Variants in NCOR2 observed in about 807,000 individuals in gnomAD.
The protein encoded by NCOR2 is nuclear receptor corepressor 2, also known as CTG repeat protein 26.
In NCOR2, 81 loss-of-function variants were observed where a neutral mutation model predicts 262.9. The ratio of observed to expected loss-of-function variants is 0.31; its 90% confidence interval spans 0.26 to 0.37. The LOEUF is 0.37. Among genes scored for constraint, NCOR2 ranks in the 10% least tolerant of loss-of-function variants. NCOR2 has a pLI of 1.00. For synonymous variants in NCOR2, 1,659 were observed against 1,559.3 expected, an observed-to-expected ratio of 1.06 and a Z score of -1.51; for missense variants, 3,385 against 3,621.4, an observed-to-expected ratio of 0.93 and a Z score of 1.68.
At chr12:124,367,250 A>T (rs2039111754) in intron 20 of NCOR2, among the ~76,000 whole-genome samples, 1 of 152,124 alleles carries the variant, frequency 6.6e-6, no homozygotes, top group South Asian at 2.1e-4. Context: ...GCTGCCCAGA[A>T]GCTCTCAGCA....
At chr12:124,537,911 C>T (rs2051164414), upstream of NCOR2, 1 of 152,292 alleles carries the variant, frequency 6.6e-6, no homozygotes, top group Non-Finnish European at 1.5e-5. Flanking sequence ...CTGCCATCTG[C>T]ATCAGCTCCA....
chr12:124,387,399 G>A (rs2040893826), intron 16 of NCOR2, among the ~76,000 whole-genome samples: 1 of 152,230 alleles, frequency 6.6e-6, no homozygotes, highest in Non-Finnish European at 1.5e-5. Flanking sequence ...TCTCATCCTT[G>A]CTGTCATGGC....
rs556619749 is a variant in NCOR2, at chr12:124,481,690, C to T, written c.411+1906G>A. 1.3e-5 allele frequency among the ~76,000 whole-genome samples: 2 copies of T among 152,202 alleles called. No individual in the cohort carries two copies. The highest frequency in any genetic ancestry group is 3.9e-4 in the East Asian group (2 of 5,180). ...CAGGGAGATGAGGTCAGGGAGGTGACGGGGCTGGATCACGCCGGACCTGCA... is the reference window on the plus strand; with the variant it reads ...CAGGGAGATGAGGTCAGGGAGGTGATGGGGCTGGATCACGCCGGACCTGCA... On this transcript the variant is annotated intron_variant, in intron 3 of 46. Transcript: ENST00000405201. This position sits in a 1 kb window ranked among gnomAD's most constrained non-coding sequence, Gnocchi z 4.6.
rs145354640 is a variant in NCOR2, at chr12:124,449,283, C to T, written c.815+532G>A. The stretch of plus-strand genomic sequence containing the variant: ...GGAAAAGGCCCCCATCATTAGAATA[C>T]ATCACATTGGCCACCTCCAAAGCCT... On this transcript the variant is annotated intron_variant, in intron 7 of 46. Transcript: ENST00000405201. Among the ~76,000 whole-genome samples the T allele has an allele frequency of 7.9e-4, 120 of 152,340 alleles. 1 individual carries two copies. The East Asian group carries it at 0.013, about 17-fold the overall frequency.
intron 1 of NCOR2, among the ~76,000 whole-genome samples, chr12:124,552,119 A>C (rs1478188215): frequency 6.6e-6 from 1 of 152,168 alleles, no homozygotes; most frequent in Non-Finnish European, 1.5e-5. Flanking sequence ...CAGGAGTTCA[A>C]GACCAGCCCG....
chr12:124,448,187 T>G lies in NCOR2; in HGVS notation c.815+1628A>C, dbSNP rs1219400545. Among the ~76,000 whole-genome samples the G allele has an allele frequency of 1.3e-5, 2 of 152,128 alleles. 1 individual carries two copies. Among genetic ancestry groups the G allele is most frequent in the East Asian group, 3.9e-4 (2 of 5,194 alleles). ...AATGCCCCAAACAGCCTGGACTCAG[T>G]TGAGAACACCCCACCCTCATCCCCT... On this transcript the variant is annotated intron_variant, in intron 7 of 46. Coordinates refer to ENST00000405201, the Ensembl canonical transcript of NCOR2.
chr12:124,506,014 T>A (rs1593878472), intron 1 of NCOR2, among the ~76,000 whole-genome samples: 2 of 150,190 alleles, frequency 1.3e-5, no homozygotes, highest in Middle Eastern at 3.4e-3. Flanking sequence ...GAGAGGCTCC[T>A]CGGCCACTGG....
intron 5 of NCOR2, 120 bp downstream of exon 7, chr12:124,466,053 G>A (rs2046400651): frequency 1.1e-6 from 1 of 947,974 alleles, no homozygotes; most frequent in African/African-American, 1.7e-5. Flanking sequence ...CTCTGGGGGA[G>A]AGGGTGGCGA....
At chr12:124,401,471 A>G (rs564815434) in intron 14 of NCOR2, among the ~76,000 whole-genome samples, 1 of 152,354 alleles carries the variant, frequency 6.6e-6, no homozygotes, top group East Asian at 1.9e-4. Flanking sequence ...AGCAATTTAT[A>G]GGGCCATTTT....
rs2044969821 is a variant in NCOR2, at chr12:124,443,670, T to C, written c.816-5674A>G. On this transcript the variant is annotated intron_variant, in intron 7 of 46. Coordinates refer to ENST00000405201, the Ensembl canonical transcript of NCOR2. The surrounding 1 kb of genome is among the most constrained non-coding windows in gnomAD (Gnocchi z 4.4). ...GGCACGTGCCACTACGCCCAGCTAA[T>C]TTTCGTATTTTTAGTAGAGACGGGG... Among the ~76,000 whole-genome samples, 1 of 151,864 alleles carries C rather than the reference T, an allele frequency of 6.6e-6. No individual in the cohort carries two copies. The highest frequency in any genetic ancestry group is 2.4e-5 in the African/African-American group (1 of 41,328).
intron 1 of NCOR2, among the ~76,000 whole-genome samples, chr12:124,550,526 G>A (rs1163537117): frequency 6.6e-6 from 1 of 152,138 alleles, no homozygotes; most frequent in Non-Finnish European, 1.5e-5. Flanking sequence ...GGGGAGGACA[G>A]CTCTGTTCCT....
chr12:124,426,916 G>A (rs1049770727), intron 10 of NCOR2, 116 bp from the exon 13 acceptor site: 30 of 932,008 alleles, frequency 3.2e-5, no homozygotes, highest in African/African-American at 9.9e-5. Context: ...CAGGGAAAAC[G>A]CGAAACCAAG....
chr12:124,373,362 A>G, intron 19 of NCOR2, among the ~76,000 whole-genome samples: 1 of 37,340 alleles, frequency 2.7e-5, no homozygotes, highest in Admixed American at 4.0e-4. Flanking sequence ...ACAGTGGACA[A>G]TCATGAGGCC....
intron 2 of NCOR2, among the ~76,000 whole-genome samples, chr12:124,484,002 G>A (rs1249827006): frequency 6.6e-6 from 1 of 152,128 alleles, no homozygotes; most frequent in East Asian, 1.9e-4. Context: ...TACAGGGAGG[G>A]AGTGTGCTAC....
chr12:124,518,238 G>A (rs576611254), intron 1 of NCOR2: 2 of 152,758 alleles, frequency 1.3e-5, no homozygotes, highest in African/African-American at 4.8e-5. Context: ...GTGCCAGCCA[G>A]CGGGCCAGCA....
chr12:124,355,028 C>T (rs907600028), intron 24 of NCOR2, 89 bp from the exon 27 acceptor site: 24 of 1,126,784 alleles, frequency 2.1e-5, no homozygotes, highest in Admixed American at 1.0e-4. Flanking sequence ...AAAAAGCCCA[C>T]GTGTGGGTCA....
At chr12:124,426,507 C>T (rs552886680) in intron 11 of NCOR2, 115 bp downstream of exon 13, 24 of 1,007,612 alleles carry the variant, frequency 2.4e-5, no homozygotes, top group East Asian at 1.7e-4. Flanking sequence ...TAAATCCCTG[C>T]GGTTTTAAGC....
chr12:124,427,705 CCCT>C (rs1226487647), intron 10 of NCOR2, among the ~76,000 whole-genome samples: 1 of 152,196 alleles, frequency 6.6e-6, no homozygotes, highest in Non-Finnish European at 1.5e-5. Context: ...TCCCCTACAC[CCCT>C]GATACGGAAC....
intron 1 of NCOR2, among the ~76,000 whole-genome samples, chr12:124,551,831 A>G (rs1383803342): frequency 6.6e-6 from 1 of 152,200 alleles, no homozygotes; most frequent in Non-Finnish European, 1.5e-5. Flanking sequence ...AGGCAGCAGC[A>G]TGTGCCCTGC....
Sources: gnomAD v4.1 joint callset for allele counts (sites outside exome capture counted in the v4.1 genomes callset) on GRCh38, gnomAD v4.1.1 for gene constraint, Gnocchi (gnomAD v3.1) non-coding constraint, MANE v1.5 for transcripts, NCBI Gene and HGNC (gene_info 2026-07-23, HGNC 2026-07-21) for gene names.